Variants in SLC35F3 observed in about 807,000 individuals in gnomAD.
The protein encoded by SLC35F3 is putative thiamine transporter SLC35F3.
In SLC35F3, 25 loss-of-function variants were observed where a neutral mutation model predicts 49.9. That is an observed-to-expected ratio of 0.50 (90% CI 0.37 to 0.70). SLC35F3 has a LOEUF of 0.70. Ranked by LOEUF, SLC35F3 falls within the 30% of genes least tolerant of loss-of-function variation. The probability of loss-of-function intolerance (pLI) is 0.00; values close to 1 mark genes in which losing one functional copy is unlikely to be tolerated. For missense variants in SLC35F3, 525 were observed against 639.8 expected, an observed-to-expected ratio of 0.82 and a Z score of 1.94; for synonymous variants, 275 against 265.4, an observed-to-expected ratio of 1.04 and a Z score of -0.35.
intron 2 of SLC35F3, among the ~76,000 whole-genome samples, chr1:234,036,661 G>A (rs946262230): frequency 1.1e-4 from 16 of 152,204 alleles, no homozygotes; most frequent in African/African-American, 3.6e-4. Flanking sequence ...TTTTGTCAGT[G>A]TCGGGAGGGA....
chr1:234,294,950 C>T (rs1236767480), intron 3 of SLC35F3, among the ~76,000 whole-genome samples: 1 of 152,168 alleles, frequency 6.6e-6, no homozygotes, highest in South Asian at 2.1e-4. Context: ...GAGGAGAGAG[C>T]CAGTAACTCC....
At chr1:234,315,175 G>A (rs537571818) in intron 4 of SLC35F3, among the ~76,000 whole-genome samples, 2 of 152,272 alleles carry the variant, frequency 1.3e-5, no homozygotes, top group South Asian at 4.1e-4. Flanking sequence ...GCCAGGCAGT[G>A]CTCTCTTACA....
chr1:234,015,559 A>G (rs1260436259), intron 2 of SLC35F3, among the ~76,000 whole-genome samples: 1 of 152,176 alleles, frequency 6.6e-6, no homozygotes, highest in African/African-American at 2.4e-5. Context: ...ACTATGGGGG[A>G]AAGGTCAGTC....
chr1:234,295,740 C>A (rs981560618), intron 3 of SLC35F3, among the ~76,000 whole-genome samples: 8 of 152,168 alleles, frequency 5.3e-5, no homozygotes, highest in Non-Finnish European at 8.8e-5. Context: ...CTGCAAAGCC[C>A]TAAATAAATA....
chr1:233,922,998 T>C (rs1662091340), intron 2 of SLC35F3, among the ~76,000 whole-genome samples: 1 of 152,194 alleles, frequency 6.6e-6, no homozygotes, highest in Non-Finnish European at 1.5e-5. Flanking sequence ...TTATGTACCA[T>C]TGGTCTATAT....
At chr1:234,281,032 C>G (rs767707748) in intron 3 of SLC35F3, among the ~76,000 whole-genome samples, 3 of 152,158 alleles carry the variant, frequency 2.0e-5, no homozygotes, top group Non-Finnish European at 4.4e-5. Context: ...CAAGGGCATG[C>G]CTTCCCAGCC....
At chr1:233,978,084 C>T (rs557356711) in intron 2 of SLC35F3, among the ~76,000 whole-genome samples, 6 of 152,260 alleles carry the variant, frequency 3.9e-5, no homozygotes, top group Non-Finnish European at 5.9e-5. Context: ...GGATGTCCCA[C>T]GTGCTTGACT....
At chr1:234,104,800 G>C (rs1285333918) in intron 2 of SLC35F3, among the ~76,000 whole-genome samples, 1 of 152,208 alleles carries the variant, frequency 6.6e-6, no homozygotes, top group East Asian at 1.9e-4. Context: ...TGGCCCACCA[G>C]TTTGGATGAA....
chr1:234,235,041 C>T (rs1193552406), intron 3 of SLC35F3, among the ~76,000 whole-genome samples: 1 of 152,164 alleles, frequency 6.6e-6, no homozygotes, highest in Non-Finnish European at 1.5e-5. Context: ...ATGCAAGTGT[C>T]AGTCCTGAAG....
rs752750843 is a variant in SLC35F3 at position 233,967,735 on chromosome 1, C to T, written c.283+61977C>T. ...GAGAAACAACAGCCCCATGTCTAAA[C>T]AAATTTTTCCACTCCGGAGTATAGA... is the stretch of plus-strand genomic sequence containing the variant. On this transcript the variant is annotated intron_variant, in intron 2 of 7. Transcript: ENST00000366618. 5.8e-4 allele frequency among the ~76,000 whole-genome samples: 89 copies of T among 152,268 alleles called. 1 individual carries two copies. Among genetic ancestry groups the T allele is most frequent in the Non-Finnish European group, 1.2e-4 (8 of 67,994 alleles).
chr1:234,271,005 A>G (rs1668091563), intron 3 of SLC35F3, among the ~76,000 whole-genome samples: 1 of 152,242 alleles, frequency 6.6e-6, no homozygotes, highest in African/African-American at 2.4e-5. Context: ...CTCTCCAGCA[A>G]CACAACTCCA....
intron 2 of SLC35F3, among the ~76,000 whole-genome samples, chr1:233,925,818 G>T (rs1165112511): frequency 6.6e-6 from 1 of 152,168 alleles, no homozygotes; most frequent in African/African-American, 2.4e-5. Context: ...GCTCTTGTAA[G>T]GCAGGCCTGG....
chr1:234,053,755 G>T (rs1005592463), intron 2 of SLC35F3, among the ~76,000 whole-genome samples: 1 of 152,180 alleles, frequency 6.6e-6, no homozygotes, highest in African/African-American at 2.4e-5. Context: ...TTTACAATTT[G>T]GCATGTTTTT....
chr1:234,064,531 A>G (rs1277173555), intron 2 of SLC35F3, among the ~76,000 whole-genome samples: 1 of 152,170 alleles, frequency 6.6e-6, no homozygotes, highest in East Asian at 1.9e-4. Flanking sequence ...CGGCTGTCAC[A>G]TAACACAACT....
At chr1:234,264,222 G>A (rs927798044) in intron 3 of SLC35F3, among the ~76,000 whole-genome samples, 6 of 152,308 alleles carry the variant, frequency 3.9e-5, no homozygotes, top group African/African-American at 1.4e-4. Context: ...ACCACACCCT[G>A]AGACTAACCC....
chr1:234,186,137 G>T (rs1326152556), intron 2 of SLC35F3, among the ~76,000 whole-genome samples: 2 of 152,190 alleles, frequency 1.3e-5, no homozygotes, highest in Admixed American at 1.3e-4. Flanking sequence ...GGTGTTTGGA[G>T]TGTGATTCAC....
rs142376634 is a variant in SLC35F3, at chr1:234,239,541, C to G, written c.608+7800C>G. 4.1e-3 allele frequency among the ~76,000 whole-genome samples: 629 copies of G among 152,310 alleles called. 5 individuals are homozygous for G. The highest frequency in any genetic ancestry group is 0.014 in the African/African-American group (585 of 41,540). ...AAAAGGACTTTGAGGATTCTCTGATCCAACTTATTCATATTATCAATGAGT... is the reference window on the plus strand; with the variant it reads ...AAAAGGACTTTGAGGATTCTCTGATGCAACTTATTCATATTATCAATGAGT... On this transcript the variant is annotated intron_variant, in intron 3 of 7. Transcript: ENST00000366618.
At chr1:234,051,064 G>C (rs975982653) in intron 2 of SLC35F3, among the ~76,000 whole-genome samples, 18 of 152,176 alleles carry the variant, frequency 1.2e-4, no homozygotes, top group African/African-American at 4.3e-4. Context: ...TTTGAAGTCA[G>C]GTAGCGTGAT....
intron 3 of SLC35F3, among the ~76,000 whole-genome samples, chr1:234,294,194 C>T (rs564659644): frequency 6.6e-6 from 1 of 152,310 alleles, no homozygotes; most frequent in South Asian, 2.1e-4. Context: ...CCCAAATCCA[C>T]ATACCCTTTC....
Sources: gnomAD v4.1 joint callset for allele counts (sites outside exome capture counted in the v4.1 genomes callset) on GRCh38, gnomAD v4.1.1 for gene constraint, MANE v1.5 for transcripts, NCBI Gene and HGNC (gene_info 2026-07-23, HGNC 2026-07-21) for gene names.